Variants in ESCO1 observed in about 807,000 individuals in gnomAD.
The protein encoded by ESCO1 is establishment of sister chromatid cohesion N-acetyltransferase 1.
In ESCO1, 33 loss-of-function variants were observed where a neutral mutation model predicts 83.5. The ratio of observed to expected loss-of-function variants is 0.40; its 90% CI spans 0.30 to 0.53. ESCO1 has a LOEUF of 0.53. ESCO1 is among the 20% of genes least tolerant of loss of function. ESCO1 has a pLI of 0.63. For synonymous variants in ESCO1, 332 were observed against 324.3 expected (o/e 1.02, Z -0.25); for missense variants, 855 against 968.0 (o/e 0.88, Z 1.55).
At position 21,538,894 on chromosome 18, in the gene ESCO1, A is replaced by T. The variant is rs1298959562; in HGVS notation, c.2043+1026T>A. Reference sequence around the variant, plus strand: ...TACTGAGTATATTATTTGAAAGTGTAATGAACATATTAAACTTATTTAAAA... The same window carrying T: ...TACTGAGTATATTATTTGAAAGTGTTATGAACATATTAAACTTATTTAAAA... On this transcript the variant is annotated intron_variant, in intron 9 of 11. Transcript: ENST00000269214. Among the ~76,000 whole-genome samples the T allele has an allele frequency of 2.0e-5, 3 of 152,104 alleles. No individual in the cohort carries two copies. In the East Asian group the frequency reaches 5.8e-4, roughly 29 times the overall value.
rs780286143 is a variant in ESCO1, at chr18:21,532,516, T to A, written c.2332A>T (p.Met778Leu). 3 of 1,613,712 alleles carry A rather than the reference T, an allele frequency of 1.9e-6. No individual in the cohort carries two copies. Among genetic ancestry groups the A allele is most frequent in the Non-Finnish European group, 2.5e-6 (3 of 1,179,742 alleles). The change falls in exon 11 of 12, where the codon ATG becomes TTG. Residue 778 changes from methionine to leucine, a missense_variant. Coordinates refer to ENST00000269214, the MANE Select transcript of ESCO1 (RefSeq NM_052911.3). The stretch of plus-strand genomic sequence containing the variant: ...CGAGAAGCAATTTTCTTCCGACGCA[T>A]CATGCTGAATACCCATATTCGACTG... ...GISRIWVFSMMRRKKIASRMI... is the reference protein window; with the variant it reads ...GISRIWVFSMLRRKKIASRMI...
rs2037835875 is a variant in ESCO1, at chr18:21,536,249, A to G, written c.2044-64T>C. 3.3e-6 allele frequency: 5 copies of G among 1,515,726 alleles called. No individual in the cohort carries two copies. In the Admixed American group the frequency reaches 9.3e-5, roughly 28 times the overall value. 93.9% of individuals were successfully genotyped at this position (1,515,726 alleles called of 1,614,324 possible). Reference sequence around the variant, plus strand: ...TATTATATACATGTAAAAACACACTATTTCAGTTCAGTAGATCAACTTTAT... The same window carrying G: ...TATTATATACATGTAAAAACACACTGTTTCAGTTCAGTAGATCAACTTTAT... On this transcript the variant is annotated intron_variant, in intron 9 of 11. Transcript: ENST00000269214.
chr18:21,547,670 CA>C (rs1015883152), intron 8 of ESCO1, among the ~76,000 whole-genome samples: 2 of 151,544 alleles, frequency 1.3e-5, no homozygotes, highest in Non-Finnish European at 2.9e-5. Flanking sequence ...TCTTAATTCT[CA>C]AAAAAACAGC....
intron 1 of ESCO1, among the ~76,000 whole-genome samples, chr18:21,588,075 G>A (rs561449508): frequency 1.3e-5 from 2 of 149,830 alleles, no homozygotes; most frequent in South Asian, 2.1e-4. Context: ...ACTCCAGCCC[G>A]GGCAACCCAG....
At chr18:21,557,983 G>GA (rs1436414027) in intron 8 of ESCO1, among the ~76,000 whole-genome samples, 5 of 141,506 alleles carry the variant, frequency 3.5e-5, no homozygotes, top group African/African-American at 1.3e-4. Flanking sequence ...GTTTTTTGGG[G>GA]TTTTTTTTTT....
At chr18:21,550,767 G>T (rs1312127801) in intron 8 of ESCO1, among the ~76,000 whole-genome samples, 1 of 152,128 alleles carries the variant, frequency 6.6e-6, no homozygotes, top group African/African-American at 2.4e-5. Flanking sequence ...GATAAAGGAG[G>T]TCACAAAAGA....
chr18:21,587,331 T>C (rs567879820), intron 1 of ESCO1, among the ~76,000 whole-genome samples: 2 of 152,300 alleles, frequency 1.3e-5, no homozygotes, highest in South Asian at 2.1e-4. Context: ...TATGAAGGAT[T>C]GGTGTTAATT....
At chr18:21,544,725 T>G (rs55756315) in intron 8 of ESCO1, among the ~76,000 whole-genome samples, 22,887 of 152,154 alleles carry the variant, frequency 0.15, 2,189 homozygotes, top group East Asian at 0.36. Context: ...AGTTAGATGA[T>G]TATCCATGAA....
rs1322136360 is a variant in ESCO1, at chr18:21,584,324, A to G, written c.-708T>C. 2.0e-5 allele frequency: 3 copies of G among 152,100 alleles called. No homozygotes were observed. Among genetic ancestry groups the G allele is most frequent in the Non-Finnish European group, 4.4e-5 (3 of 68,030 alleles). 9.4% of individuals were successfully genotyped at this position (152,100 alleles called of 1,614,324 possible). On this transcript the variant is annotated 5_prime_UTR_variant, in exon 2 of 12. Coordinates refer to ENST00000269214, the MANE Select transcript of ESCO1 (RefSeq NM_052911.3). ...ATGCCACTTACCTTAAAGAAATAATATATCACCTTTTTCTTCAAGTTGATT... is the reference window on the plus strand; with the variant it reads ...ATGCCACTTACCTTAAAGAAATAATGTATCACCTTTTTCTTCAAGTTGATT...
At chr18:21,541,794 A>G (rs1324231287) in intron 8 of ESCO1, among the ~76,000 whole-genome samples, 3 of 152,168 alleles carry the variant, frequency 2.0e-5, no homozygotes, top group Non-Finnish European at 4.4e-5. Context: ...TAAAACATCG[A>G]AAAGACCTAA....
intron 1 of ESCO1, among the ~76,000 whole-genome samples, chr18:21,598,342 T>C (rs1174566203): frequency 6.6e-6 from 1 of 152,208 alleles, no homozygotes; most frequent in South Asian, 2.1e-4. Flanking sequence ...GGTACTTTTT[T>C]AGTTATTCTG....
At chr18:21,592,279 G>C (rs1243951959) in intron 1 of ESCO1, among the ~76,000 whole-genome samples, 1 of 151,420 alleles carries the variant, frequency 6.6e-6, no homozygotes, top group Non-Finnish European at 1.5e-5. Flanking sequence ...TCCTGGACGG[G>C]GCAGCTGGCC....
chr18:21,564,351 T>A (rs1165674428), intron 6 of ESCO1, 34 bp from the exon 7 acceptor site: 1 of 1,334,504 alleles, frequency 7.5e-7, no homozygotes, highest in Non-Finnish European at 1.0e-6. Context: ...ATGTTACAGA[T>A]CCAAGTCATT....
In ESCO1 at chr18:21,566,203, G is replaced by A; in HGVS notation, c.1649C>T (p.Ser550Leu). 6.2e-7 allele frequency: 1 copy of A among 1,612,202 alleles called. No individual in the cohort carries two copies. Among genetic ancestry groups the A allele is most frequent in the Non-Finnish European group, 8.5e-7 (1 of 1,179,104 alleles). The change falls in exon 6 of 12, where the codon TCA becomes TTA. Residue 550 changes from serine (S) to leucine (L), a missense_variant. Coordinates refer to ENST00000269214, the MANE Select transcript of ESCO1 (RefSeq NM_052911.3). ...GAGAATACTATGCTGTTGGGGAGCT[G>A]AACCTGTAATTTAATCAAGAAGGTG... ...IDTGENKFPG[S>L]APQQHSILSN...
intron 8 of ESCO1, among the ~76,000 whole-genome samples, chr18:21,547,270 C>G (rs1030207227): frequency 1.3e-5 from 2 of 149,308 alleles, no homozygotes; most frequent in African/African-American, 5.0e-5. Context: ...AAAACAAGGT[C>G]GACAGTTAAT....
At chr18:21,578,810 G>A (rs756487816) in intron 2 of ESCO1, among the ~76,000 whole-genome samples, 42 of 151,926 alleles carry the variant, frequency 2.8e-4, no homozygotes, top group Non-Finnish European at 1.2e-4. Flanking sequence ...CGATTCTCGT[G>A]CCTTAGCCTC....
intron 1 of ESCO1, among the ~76,000 whole-genome samples, chr18:21,586,436 T>C (rs189612053): frequency 6.6e-6 from 1 of 152,370 alleles, no homozygotes; most frequent in African/African-American, 2.4e-5. Flanking sequence ...TTACTTAGAT[T>C]GATTCCATGT....
At chr18:21,538,063 A>C (rs1186140434) in intron 9 of ESCO1, among the ~76,000 whole-genome samples, 9 of 152,140 alleles carry the variant, frequency 5.9e-5, no homozygotes, top group Non-Finnish European at 1.3e-4. Flanking sequence ...ATATGTAGAT[A>C]CTAGTTTAAG....
chr18:21,581,772 T>C (rs2038505773), intron 2 of ESCO1, among the ~76,000 whole-genome samples: 1 of 152,104 alleles, frequency 6.6e-6, no homozygotes, highest in Non-Finnish European at 1.5e-5. Context: ...TAATAACAGC[T>C]ACTTCAGAGA....
Sources: gnomAD v4.1 joint callset for allele counts (sites outside exome capture counted in the v4.1 genomes callset) on GRCh38, gnomAD v4.1.1 for gene constraint, MANE v1.5 for transcripts, NCBI Gene and HGNC (gene_info 2026-07-23, HGNC 2026-07-21) for gene names.